IGSF21: variants seen among roughly 807,000 people sequenced by gnomAD.
The protein encoded by IGSF21 is immunoglobin superfamily member 21, also known as immunoglobulin superfamily member 21.
IGSF21 carries 28 observed loss-of-function variants against 46.8 expected under a neutral mutation model. The observed-to-expected ratio is 0.60, with a 90% CI of 0.44 to 0.82. IGSF21 has a LOEUF of 0.82. Ranked by LOEUF, IGSF21 falls within the 40% of genes least tolerant of loss-of-function variation. The pLI is 0.00. For synonymous variants in IGSF21, 284 were observed against 273.6 expected, an observed-to-expected ratio of 1.04 and a Z score of -0.38; for missense variants, 624 against 665.5, an observed-to-expected ratio of 0.94 and a Z score of 0.69.
At chr1:18,155,121 A>G (rs1488085759) in intron 1 of IGSF21, among the ~76,000 whole-genome samples, 1 of 151,494 alleles carries the variant, frequency 6.6e-6, no homozygotes, top group Non-Finnish European at 1.5e-5. Flanking sequence ...GTCTCCAGGG[A>G]GCCTCTGCTT....
intron 1 of IGSF21, among the ~76,000 whole-genome samples, chr1:18,156,282 C>G (rs191306147): frequency 6.6e-6 from 1 of 152,180 alleles, no homozygotes; most frequent in Non-Finnish European, 1.5e-5. Context: ...CAGGCTGGAC[C>G]GGGCACTCCT....
rs967852120 is a variant in IGSF21 at position 18,107,843 on chromosome 1, C to G, written c.-286C>G. The G allele has an allele frequency of 5.5e-4, 87 of 159,134 alleles. No individual in the cohort carries two copies. The highest frequency in any genetic ancestry group is 1.9e-3 in the African/African-American group (80 of 41,480). 9.9% of individuals were successfully genotyped at this position (159,134 alleles called of 1,614,324 possible). On this transcript the variant is annotated 5_prime_UTR_variant, in exon 1 of 10. Transcript: ENST00000251296. The stretch of plus-strand genomic sequence containing the variant: ...CGCTGCAGCCGATCGGACTCTGGGC[C>G]GCGGTGGGCACCGCGCGCAGCTAGG...
chr1:18,240,405 T>A (rs2084715384), intron 2 of IGSF21, among the ~76,000 whole-genome samples: 1 of 152,236 alleles, frequency 6.6e-6, no homozygotes, highest in African/African-American at 2.4e-5. Flanking sequence ...AATGCTTCTT[T>A]CAAATTGTGG....
intron 2 of IGSF21, among the ~76,000 whole-genome samples, chr1:18,254,697 G>A (rs910242634): frequency 7.2e-5 from 11 of 152,186 alleles, no homozygotes; most frequent in African/African-American, 2.4e-4. Context: ...CCACTAAATA[G>A]GCTGTTGCCT....
chr1:18,333,435 A>C (rs2085735073), intron 3 of IGSF21, among the ~76,000 whole-genome samples: 1 of 152,226 alleles, frequency 6.6e-6, no homozygotes, highest in Non-Finnish European at 1.5e-5. Flanking sequence ...CGCAGGACCC[A>C]GGAAAAACAC....
At chr1:18,172,464 A>G (rs1005923291) in intron 1 of IGSF21, among the ~76,000 whole-genome samples, 21 of 152,174 alleles carry the variant, frequency 1.4e-4, no homozygotes, top group Non-Finnish European at 1.8e-4. Flanking sequence ...TGGAGGCTGG[A>G]AGTCTGAGAT....
rs150963721 is a variant in IGSF21, at chr1:18,360,173, G to A, written c.425-1942G>A. Among the ~76,000 whole-genome samples, 14 of 152,274 alleles carry A rather than the reference G, an allele frequency of 9.2e-5. No homozygotes were observed. In the East Asian group the frequency reaches 2.7e-3, roughly 29 times the overall value. On this transcript the variant is annotated intron_variant, in intron 4 of 9. Coordinates refer to ENST00000251296, the MANE Select transcript of IGSF21 (RefSeq NM_032880.5). Reference sequence around the variant, plus strand: ...CAGGTTTTCGGTTGAGTTTTGGAAAGGTTAGATTGCAGAATCTGCAATTTC... The same window carrying A: ...CAGGTTTTCGGTTGAGTTTTGGAAAAGTTAGATTGCAGAATCTGCAATTTC...
intron 1 of IGSF21, among the ~76,000 whole-genome samples, chr1:18,131,039 G>GAGCT (rs1239205671): frequency 6.6e-6 from 1 of 152,238 alleles, no homozygotes; most frequent in Non-Finnish European, 1.5e-5. Flanking sequence ...AGGCCCGAGG[G>GAGCT]AGCTGCATGT....
At chr1:18,152,814 G>A (rs541825873) in intron 1 of IGSF21, among the ~76,000 whole-genome samples, 52 of 152,174 alleles carry the variant, frequency 3.4e-4, no homozygotes, top group Middle Eastern at 3.4e-3. Flanking sequence ...GCTTCTTCAC[G>A]TAGGGTTCCA....
chr1:18,187,030 C>T (rs1165391551), intron 1 of IGSF21, among the ~76,000 whole-genome samples: 2 of 152,136 alleles, frequency 1.3e-5, no homozygotes, highest in South Asian at 2.1e-4. Context: ...AAGGCAAGCT[C>T]GGGCTGCTAT....
At chr1:18,263,408 G>A (rs2084964198) in intron 2 of IGSF21, among the ~76,000 whole-genome samples, 1 of 151,406 alleles carries the variant, frequency 6.6e-6, no homozygotes, top group African/African-American at 2.4e-5. Flanking sequence ...CACCTGCTCA[G>A]CACCATTGCA....
chr1:18,350,313 G>A (rs373532999), intron 4 of IGSF21, among the ~76,000 whole-genome samples: 2 of 152,128 alleles, frequency 1.3e-5, no homozygotes, highest in African/African-American at 4.8e-5. Flanking sequence ...TACTTCCTAG[G>A]GAACAAAAGT....
intron 1 of IGSF21, among the ~76,000 whole-genome samples, chr1:18,108,985 A>AGTGTGTGTGT (rs10686337): frequency 0.041 from 5,243 of 127,792 alleles, 231 homozygotes; most frequent in African/African-American, 0.11. Context: ...TGAGCAGCTC[A>AGTGTGTGTGT]GTGTGTGTGT....
At chr1:18,266,467 C>G (rs760666939) in intron 2 of IGSF21, among the ~76,000 whole-genome samples, 1 of 152,214 alleles carries the variant, frequency 6.6e-6, no homozygotes, top group Non-Finnish European at 1.5e-5. Context: ...GCTGTGCACA[C>G]TCATATGTCT....
intron 2 of IGSF21, among the ~76,000 whole-genome samples, chr1:18,257,941 C>G (rs2084907275): frequency 6.6e-6 from 1 of 152,200 alleles, no homozygotes; most frequent in African/African-American, 2.4e-5. Context: ...CAGTCTCCCA[C>G]TCAAAAGTGA....
At position 18,109,834 on chromosome 1, in the gene IGSF21, C is replaced by T. The variant is rs534059533; in HGVS notation, c.70+1636C>T. Reference sequence around the variant, plus strand: ...GGGTTTGTTGAAAGGCACTGGAGCCCTCACCTGGACATTGCAGGGGGCGGG... The same window carrying T: ...GGGTTTGTTGAAAGGCACTGGAGCCTTCACCTGGACATTGCAGGGGGCGGG... On this transcript the variant is annotated intron_variant, in intron 1 of 9. Transcript: ENST00000251296. The surrounding 1 kb of genome is among the most constrained non-coding windows in gnomAD (Gnocchi z 4.8). 3 of 152,270 alleles carry T rather than the reference C, an allele frequency of 2.0e-5. No individual in the cohort carries two copies. The highest frequency in any genetic ancestry group is 7.2e-5 in the African/African-American group (3 of 41,410). The allele number at this position is 152,270 out of a possible 1,614,324, so 9.4% of individuals were successfully genotyped here.
intron 1 of IGSF21, among the ~76,000 whole-genome samples, chr1:18,196,038 A>G (rs2087004411): frequency 6.6e-6 from 1 of 152,212 alleles, no homozygotes; most frequent in Non-Finnish European, 1.5e-5. Flanking sequence ...GGTTGTGTGC[A>G]GAGAGACTTG....
rs527553236 is a variant in IGSF21, at chr1:18,285,789, G to A, written c.184-6077G>A. Among the ~76,000 whole-genome samples the A allele has an allele frequency of 9.2e-5, 14 of 152,262 alleles. No homozygotes were observed. In the East Asian group the frequency reaches 2.1e-3, roughly 23 times the overall value. On this transcript the variant is annotated intron_variant, in intron 2 of 9. Transcript: ENST00000251296. ...CCTACTTCGGACTTAAGAAAAATAC[G>A]CAATAGCTAATATGATGGAGCACTT...
At chr1:18,156,729 G>A (rs940986438) in intron 1 of IGSF21, among the ~76,000 whole-genome samples, 1 of 152,240 alleles carries the variant, frequency 6.6e-6, no homozygotes, top group Non-Finnish European at 1.5e-5. Flanking sequence ...TGAGGCTTTT[G>A]TCTCTGAGTG....
Sources: allele counts gnomAD v4.1 joint callset (sites outside exome capture counted in the v4.1 genomes callset), GRCh38; gene constraint gnomAD v4.1.1; non-coding constraint Gnocchi (gnomAD v3.1); transcripts MANE v1.5; gene names NCBI Gene and HGNC (gene_info 2026-07-23, HGNC 2026-07-21).